The following PLEKHA1 variants were observed in gnomAD, a reference collection of about 807,000 sequenced individuals.
PLEKHA1 encodes the protein pleckstrin homology domain containing A1.
A neutral mutation model predicts 52.0 loss-of-function variants in PLEKHA1; 34 were observed. The observed-to-expected ratio is 0.65, with a 90% CI of 0.50 to 0.87. PLEKHA1 has a LOEUF of 0.87. PLEKHA1 is among the 40% of genes least tolerant of loss of function. The pLI is 0.00. For synonymous variants in PLEKHA1, 163 were observed against 170.7 expected (o/e 0.95, Z 0.35); for missense variants, 497 against 504.2 (o/e 0.99, Z 0.14).
chr10:122,384,118 A>G (rs2096654180), intron 1 of PLEKHA1, among the ~76,000 whole-genome samples: 1 of 152,068 alleles, frequency 6.6e-6, no homozygotes, highest in African/African-American at 2.4e-5. Flanking sequence ...TTTAAAGGCC[A>G]TTTTTATATC....
chr10:122,407,663 C>G (rs1463599721), intron 5 of PLEKHA1, among the ~76,000 whole-genome samples: 1 of 152,108 alleles, frequency 6.6e-6, no homozygotes, highest in Non-Finnish European at 1.5e-5. Context: ...CTCACCTTTC[C>G]CTTTACACTT....
chr10:122,431,799 TTA>T lies in PLEKHA1; in HGVS notation c.*1863_*1864del, dbSNP rs2097419066. Reference sequence around the variant, plus strand: ...GATAGAATAAAGAGATTTTAATGAGTTATCACTTTTTCAGCTGATATATTCAT... The same window carrying T: ...GATAGAATAAAGAGATTTTAATGAGTTCACTTTTTCAGCTGATATATTCAT... On this transcript the variant is annotated 3_prime_UTR_variant, in exon 12 of 12. Coordinates refer to ENST00000368990, the MANE Select transcript of PLEKHA1 (RefSeq NM_001001974.4). 1 of 152,292 alleles carries T rather than the reference TTA, an allele frequency of 6.6e-6. No individual in the cohort carries two copies. The highest frequency in any genetic ancestry group is 6.5e-5 in the Admixed American group (1 of 15,278). The allele number at this position is 152,292 out of a possible 1,614,324, so 9.4% of individuals were successfully genotyped here.
intron 1 of PLEKHA1, among the ~76,000 whole-genome samples, chr10:122,386,062 G>A (rs865805915): frequency 2.2e-4 from 33 of 152,118 alleles, no homozygotes; most frequent in Middle Eastern, 3.2e-3. Flanking sequence ...CTGCCAAACT[G>A]TTTTCCAAAG....
intron 5 of PLEKHA1, among the ~76,000 whole-genome samples, chr10:122,410,435 G>A (rs942404763): frequency 6.6e-6 from 1 of 152,146 alleles, no homozygotes. Flanking sequence ...GATTTTCATT[G>A]GACAGTTGGA....
intron 11 of PLEKHA1, among the ~76,000 whole-genome samples, chr10:122,427,673 A>G (rs1218312917): frequency 2.6e-5 from 4 of 152,226 alleles, no homozygotes; most frequent in Non-Finnish European, 4.4e-5. Flanking sequence ...CTGCTCAGAA[A>G]TATTTTTTTA....
chr10:122,388,080 C>G (rs1016651521), intron 1 of PLEKHA1: 19 of 152,168 alleles, frequency 1.2e-4, no homozygotes, highest in African/African-American at 3.6e-4. Flanking sequence ...ACATTTCATA[C>G]TTTCACAGTG....
intron 11 of PLEKHA1, among the ~76,000 whole-genome samples, chr10:122,427,853 CAT>C (rs767415333): frequency 2.0e-5 from 3 of 152,160 alleles, no homozygotes; most frequent in Non-Finnish European, 4.4e-5. Flanking sequence ...TTTACTATGA[CAT>C]ATATGCTAGT....
downstream of PLEKHA1, chr10:122,435,846 G>A (rs961696859): frequency 2.6e-5 from 4 of 151,710 alleles, no homozygotes; most frequent in Non-Finnish European, 4.4e-5. Context: ...TTGAGCTTAG[G>A]GGTTTGAGAT....
intron 5 of PLEKHA1, among the ~76,000 whole-genome samples, chr10:122,410,074 C>T (rs1341892990): frequency 1.3e-5 from 2 of 152,272 alleles, no homozygotes; most frequent in South Asian, 2.1e-4. Flanking sequence ...TGAGCCACCG[C>T]GCCTAGCCCA....
Position 122,413,055 on chromosome 10 carries a change from T to TA in PLEKHA1, c.468+12dup, listed in dbSNP as rs758490041. The TA allele has an allele frequency of 1.2e-6, 2 of 1,609,828 alleles. No homozygotes were observed. The highest frequency in any genetic ancestry group is 3.3e-5 in the Admixed American group (2 of 59,908). On this transcript the variant is annotated intron_variant, in intron 6 of 11. Coordinates refer to ENST00000368990, the MANE Select transcript of PLEKHA1 (RefSeq NM_001001974.4). ...CATTACTCCCACTCAGGTAATTAAGTAACTCTTCTATTGTGTGAGGGTCTA... is the reference window on the plus strand; with the variant it reads ...CATTACTCCCACTCAGGTAATTAAGTAAACTCTTCTATTGTGTGAGGGTCTA...
At chr10:122,420,528 A>C (rs560292659) in intron 8 of PLEKHA1, 2 of 152,202 alleles carry the variant, frequency 1.3e-5, no homozygotes, top group African/African-American at 4.8e-5. Flanking sequence ...CTCCCATTTC[A>C]TCTGTAAATA....
In PLEKHA1 at chr10:122,413,022, G is replaced by A. The variant is rs573666181; in HGVS notation, c.445G>A (p.Val149Ile). Residue 149 changes from valine (V) to isoleucine (I), a missense_variant, in exon 6 of 12, where the codon GTA becomes ATA. Coordinates refer to ENST00000368990, the MANE Select transcript of PLEKHA1 (RefSeq NM_001001974.4). ...TTACAGAACTGATATTGTTGGTGGCGTACCCATCATTACTCCCACTCAGGT... is the reference window on the plus strand; with the variant it reads ...TTACAGAACTGATATTGTTGGTGGCATACCCATCATTACTCCCACTCAGGT... ...VSYRTDIVGG[V>I]PIITPTQKEE... The A allele has an allele frequency of 1.9e-5, 31 of 1,612,638 alleles. No homozygotes were observed. Among genetic ancestry groups the A allele is most frequent in the South Asian group, 3.3e-5 (3 of 90,914 alleles).
chr10:122,389,925 T>G (rs965197684), intron 1 of PLEKHA1, among the ~76,000 whole-genome samples: 6 of 152,166 alleles, frequency 3.9e-5, no homozygotes, highest in Non-Finnish European at 8.8e-5. Flanking sequence ...AAGCTTTGAA[T>G]CAGGCATTGA....
chr10:122,387,891 T>C (rs2096722545), intron 1 of PLEKHA1: 1 of 152,228 alleles, frequency 6.6e-6, no homozygotes, highest in Non-Finnish European at 1.5e-5. Flanking sequence ...TCTAAGACAT[T>C]GAGTTTTTTC....
chr10:122,391,374 A>G (rs993545943), intron 1 of PLEKHA1, among the ~76,000 whole-genome samples: 1 of 152,166 alleles, frequency 6.6e-6, no homozygotes, highest in African/African-American at 2.4e-5. Flanking sequence ...GATTTACCCT[A>G]TATTTTCTTC....
At chr10:122,406,789 T>C (rs1483688369) in intron 5 of PLEKHA1, 116 bp downstream of exon 5, 2 of 748,038 alleles carry the variant, frequency 2.7e-6, no homozygotes, top group Non-Finnish European at 2.2e-6. Context: ...TCAAGCTTTG[T>C]TTAAAAGACA....
intron 3 of PLEKHA1, among the ~76,000 whole-genome samples, chr10:122,398,541 T>G (rs1408038106): frequency 6.6e-6 from 1 of 152,036 alleles, no homozygotes; most frequent in Admixed American, 6.6e-5. Flanking sequence ...TCTTATTTTC[T>G]TCTATTAATG....
At chr10:122,389,699 C>G (rs910648835) in intron 1 of PLEKHA1, among the ~76,000 whole-genome samples, 2 of 151,914 alleles carry the variant, frequency 1.3e-5, no homozygotes, top group African/African-American at 4.8e-5. Flanking sequence ...CAGCAAGACT[C>G]CATCTCAAAA....
intron 8 of PLEKHA1, chr10:122,421,831 G>A (rs1286717271): frequency 6.6e-6 from 1 of 152,292 alleles, no homozygotes; most frequent in South Asian, 2.1e-4. Flanking sequence ...TTGTGGCTGA[G>A]TTAAGAGATT....
Sources: gnomAD v4.1 joint callset for allele counts (sites outside exome capture counted in the v4.1 genomes callset) on GRCh38, gnomAD v4.1.1 for gene constraint, MANE v1.5 for transcripts, NCBI Gene and HGNC (gene_info 2026-07-23, HGNC 2026-07-21) for gene names.